The following UBE2E3 variants were observed in gnomAD, a reference collection of about 807,000 sequenced individuals.
UBE2E3 encodes ubiquitin-conjugating enzyme E2 E3.
Under a neutral mutation model 23.6 loss-of-function variants are expected in UBE2E3, and 5 were observed. The ratio of observed to expected loss-of-function variants is 0.21; its 90% CI spans 0.11 to 0.44. UBE2E3 has a LOEUF of 0.44. UBE2E3 is among the 20% of genes least tolerant of loss of function. UBE2E3 has a pLI of 0.99. For synonymous variants in UBE2E3, 78 were observed against 87.5 expected, an observed-to-expected ratio of 0.89 and a Z score of 0.60; for missense variants, 81 against 249.8, an observed-to-expected ratio of 0.32 and a Z score of 4.55.
chr2:181,023,673 T>A (rs1456176062), intron 3 of UBE2E3, among the ~76,000 whole-genome samples: 4 of 152,148 alleles, frequency 2.6e-5, no homozygotes, highest in African/African-American at 9.7e-5. Context: ...GCATCCAATA[T>A]AGCAAAGGGG....
intron 3 of UBE2E3, among the ~76,000 whole-genome samples, chr2:181,022,471 T>A (rs1181740923): frequency 6.6e-6 from 1 of 152,172 alleles, no homozygotes; most frequent in African/African-American, 2.4e-5. Flanking sequence ...AACCATTTTA[T>A]GTTTCTGTTG....
At chr2:180,995,555 T>C (rs540633657) in intron 3 of UBE2E3, among the ~76,000 whole-genome samples, 1 of 152,258 alleles carries the variant, frequency 6.6e-6, no homozygotes, top group Admixed American at 6.5e-5. Context: ...TTTTTTCTAA[T>C]CTATAAGGTT....
intron 4 of UBE2E3, among the ~76,000 whole-genome samples, chr2:181,059,744 C>T (rs1295561785): frequency 1.3e-5 from 2 of 151,638 alleles, no homozygotes; most frequent in Non-Finnish European, 3.0e-5. Context: ...TCTAGAGGGG[C>T]ATACTCTCCT....
chr2:181,062,655 T>A, intron 5 of UBE2E3, 136 bp from the exon 6 acceptor site: 1 of 420,878 alleles, frequency 2.4e-6, no homozygotes, highest in South Asian at 7.8e-5. Flanking sequence ...TACTTTAAAC[T>A]TTTTCTTTTG....
chr2:181,032,827 C>T (rs1270609469), intron 3 of UBE2E3, among the ~76,000 whole-genome samples: 2 of 152,174 alleles, frequency 1.3e-5, no homozygotes, highest in African/African-American at 4.8e-5. Flanking sequence ...TAAGCAACTT[C>T]AGCAAAGTCT....
intron 3 of UBE2E3, among the ~76,000 whole-genome samples, chr2:181,015,113 A>C (rs1343177708): frequency 6.6e-6 from 1 of 152,070 alleles, no homozygotes; most frequent in Non-Finnish European, 1.5e-5. Flanking sequence ...CCCTTTTAAG[A>C]TGGAAGGGGT....
At chr2:181,018,965 T>C (rs1685585358) in intron 3 of UBE2E3, among the ~76,000 whole-genome samples, 1 of 152,166 alleles carries the variant, frequency 6.6e-6, no homozygotes, top group Non-Finnish European at 1.5e-5. Flanking sequence ...CCTTTCTAGC[T>C]CTAAATTTTT....
intron 3 of UBE2E3, among the ~76,000 whole-genome samples, chr2:180,997,793 T>C (rs776386754): frequency 2.0e-5 from 3 of 152,208 alleles, no homozygotes; most frequent in African/African-American, 4.8e-5. Flanking sequence ...TTTACATCTC[T>C]CGTTGCCTAG....
At chr2:181,019,004 C>T (rs1685587252) in intron 3 of UBE2E3, among the ~76,000 whole-genome samples, 1 of 152,018 alleles carries the variant, frequency 6.6e-6, no homozygotes, top group Admixed American at 6.6e-5. Flanking sequence ...GCTCTTGTCG[C>T]CCAGGCTGGA....
intron 3 of UBE2E3, among the ~76,000 whole-genome samples, chr2:181,003,124 C>G (rs941643002): frequency 2.0e-5 from 3 of 152,184 alleles, no homozygotes; most frequent in Non-Finnish European, 2.9e-5. Flanking sequence ...ACTTTTGTGA[C>G]AGGAAGTATA....
At chr2:180,991,930 G>A (rs1684670475) in intron 3 of UBE2E3, among the ~76,000 whole-genome samples, 2 of 152,202 alleles carry the variant, frequency 1.3e-5, no homozygotes, top group Non-Finnish European at 2.9e-5. Flanking sequence ...TTTTTGGACT[G>A]TGGTTGACCT....
rs567923059 is a variant in UBE2E3 at position 181,012,105 on chromosome 2, G to A, written c.245+28012G>A. Among the ~76,000 whole-genome samples, 5 of 152,252 alleles carry A rather than the reference G, an allele frequency of 3.3e-5. No individual in the cohort carries two copies. The South Asian group carries it at 1.0e-3, about 32-fold the overall frequency. ...AGTTAATTGATGTTTTCTTTTGAGA[G>A]AGGGCAATATGATCAGTCAGCAACT... On this transcript the variant is annotated intron_variant, in intron 3 of 5. Coordinates refer to ENST00000410062, the MANE Select transcript of UBE2E3 (RefSeq NM_006357.4).
At chr2:181,055,768 A>C (rs1324868821) in intron 3 of UBE2E3, among the ~76,000 whole-genome samples, 2 of 151,782 alleles carry the variant, frequency 1.3e-5, no homozygotes, top group East Asian at 1.9e-4. Context: ...AAGAACTAAG[A>C]ATTTGGTGTG....
At chr2:181,032,969 C>A (rs1302905965) in intron 3 of UBE2E3, among the ~76,000 whole-genome samples, 1 of 152,154 alleles carries the variant, frequency 6.6e-6, no homozygotes. Context: ...ATCCAACTTA[C>A]AAGGGATATG....
chr2:181,042,588 G>T (rs1247457730), intron 3 of UBE2E3, among the ~76,000 whole-genome samples: 1 of 152,138 alleles, frequency 6.6e-6, no homozygotes, highest in Non-Finnish European at 1.5e-5. Flanking sequence ...GTGCCAAACT[G>T]GAAGTCATGG....
intron 3 of UBE2E3, among the ~76,000 whole-genome samples, chr2:181,037,980 A>T (rs1686353235): frequency 6.6e-6 from 1 of 152,318 alleles, no homozygotes; most frequent in East Asian, 1.9e-4. Context: ...AGCACAAAAT[A>T]AAAGTTATAG....
chr2:181,062,163 G>A (rs1464248577), intron 5 of UBE2E3, among the ~76,000 whole-genome samples: 1 of 151,090 alleles, frequency 6.6e-6, no homozygotes, highest in Non-Finnish European at 1.5e-5. Flanking sequence ...GTTGGAGTCA[G>A]GAAGGAAGAT....
At chr2:180,993,764 G>T (rs971481146) in intron 3 of UBE2E3, among the ~76,000 whole-genome samples, 1 of 152,118 alleles carries the variant, frequency 6.6e-6, no homozygotes, top group Non-Finnish European at 1.5e-5. Context: ...GTCCCGAAGA[G>T]AATCGATCTC....
chr2:180,986,162 A>G (rs1195718654), intron 3 of UBE2E3, among the ~76,000 whole-genome samples: 2 of 152,120 alleles, frequency 1.3e-5, no homozygotes, highest in Non-Finnish European at 2.9e-5. Context: ...CCTTGTCACA[A>G]CCTGTGATGA....
Sources: allele counts gnomAD v4.1 joint callset (sites outside exome capture counted in the v4.1 genomes callset), GRCh38; gene constraint gnomAD v4.1.1; transcripts MANE v1.5; gene names NCBI Gene and HGNC (gene_info 2026-07-23, HGNC 2026-07-21).